TGFA: variants seen among roughly 807,000 people sequenced by gnomAD.
The protein encoded by TGFA is transforming growth factor alpha.
Under a neutral mutation model 21.7 loss-of-function variants are expected in TGFA, and 12 were observed. That is an observed-to-expected ratio of 0.55 (90% CI 0.35 to 0.90). TGFA has a LOEUF of 0.90. TGFA is among the 40% of genes least tolerant of loss of function. The probability of loss-of-function intolerance (pLI) is 0.01; values close to 1 mark genes in which losing one functional copy is unlikely to be tolerated. For synonymous variants in TGFA, 79 were observed against 88.1 expected, an observed-to-expected ratio of 0.90 and a Z score of 0.58; for missense variants, 178 against 210.8, an observed-to-expected ratio of 0.84 and a Z score of 0.96.
chr2:70,505,420 A>G (rs546237606), intron 2 of TGFA, among the ~76,000 whole-genome samples: 54 of 152,304 alleles, frequency 3.5e-4, no homozygotes, highest in African/African-American at 1.3e-3. Flanking sequence ...ACAGGATATC[A>G]GATATAGAGG....
At chr2:70,452,250 T>G (rs1553489754) in intron 5 of TGFA, among the ~76,000 whole-genome samples, 1 of 152,160 alleles carries the variant, frequency 6.6e-6, no homozygotes, top group African/African-American at 2.4e-5. Flanking sequence ...ATGGGCTCTC[T>G]TGGTCAAAAT....
chr2:70,466,324 C>T (rs557059800), intron 2 of TGFA, among the ~76,000 whole-genome samples: 10 of 152,106 alleles, frequency 6.6e-5, no homozygotes, highest in African/African-American at 1.9e-4. Flanking sequence ...CTGGCTAACA[C>T]GGTGACACCC....
intron 2 of TGFA, among the ~76,000 whole-genome samples, chr2:70,508,743 A>C (rs964880894): frequency 6.6e-6 from 1 of 152,186 alleles, no homozygotes; most frequent in Non-Finnish European, 1.5e-5. Flanking sequence ...GTTGATTATG[A>C]CCCGTAAAGT....
At chr2:70,542,098 G>T (rs965184442) in intron 1 of TGFA, among the ~76,000 whole-genome samples, 2 of 152,240 alleles carry the variant, frequency 1.3e-5, no homozygotes, top group South Asian at 4.1e-4. Flanking sequence ...ATTCCTCAGG[G>T]CTGCTGCCAT....
chr2:70,451,341 G>A (rs1294325440), intron 5 of TGFA, among the ~76,000 whole-genome samples: 1 of 152,228 alleles, frequency 6.6e-6, no homozygotes, highest in South Asian at 2.1e-4. Flanking sequence ...AGCATGGACC[G>A]TCCTCAGTTC....
intron 2 of TGFA, among the ~76,000 whole-genome samples, chr2:70,499,915 G>A (rs1166756201): frequency 5.3e-5 from 8 of 152,112 alleles, no homozygotes; most frequent in South Asian, 2.1e-4. Flanking sequence ...AACATAAGCC[G>A]CATAAGTAAT....
At chr2:70,553,576 C>T (rs568566370) in intron 1 of TGFA, 152 bp downstream of exon 1, 3 of 1,311,162 alleles carry the variant, frequency 2.3e-6, no homozygotes, top group South Asian at 2.4e-5. Flanking sequence ...TTAATGACTC[C>T]CCTTGCCTCC....
intron 1 of TGFA, among the ~76,000 whole-genome samples, chr2:70,542,417 CTCAT>C (rs1339222321): frequency 6.6e-6 from 1 of 152,054 alleles, no homozygotes; most frequent in Non-Finnish European, 1.5e-5. Context: ...GTTTACTGAC[CTCAT>C]TCAAACTCAG....
At chr2:70,486,111 T>C (rs541500052) in intron 2 of TGFA, among the ~76,000 whole-genome samples, 1 of 152,352 alleles carries the variant, frequency 6.6e-6, no homozygotes, top group Admixed American at 6.5e-5. Flanking sequence ...TACTGCCCAC[T>C]GGAGTGGACT....
chr2:70,492,615 T>C (rs1196136169), intron 2 of TGFA, among the ~76,000 whole-genome samples: 1 of 152,240 alleles, frequency 6.6e-6, no homozygotes, highest in Non-Finnish European at 1.5e-5. Flanking sequence ...GGCTTCTGTT[T>C]TCTTCTCTCA....
In TGFA at chr2:70,447,526, C is replaced by T. The variant is rs1222145629; in HGVS notation, c.*3333G>A. On this transcript the variant is annotated 3_prime_UTR_variant, in exon 6 of 6. Coordinates refer to ENST00000295400, the MANE Select transcript of TGFA (RefSeq NM_003236.4). ...ACCTTTTCAGTGCAACATATACAGA[C>T]ATCAGAGTAAGGAGTTCTAAAAAAA... 1 of 152,352 alleles carries T rather than the reference C, an allele frequency of 6.6e-6. No individual in the cohort carries two copies. The highest frequency in any genetic ancestry group is 1.5e-5 in the Non-Finnish European group (1 of 68,020). The allele number at this position is 152,352 out of a possible 1,614,324, so 9.4% of individuals were successfully genotyped here.
Position 70,521,613 on chromosome 2 carries a change from G to GTT in TGFA, c.41-6703_41-6702dup, listed in dbSNP as rs59567780. On this transcript the variant is annotated intron_variant, in intron 1 of 5. Coordinates refer to ENST00000295400, the MANE Select transcript of TGFA (RefSeq NM_003236.4). ...TTGATAGTTTTTTTTGTTGTTGTTTGTTTGTTTTTTTTTTTTTTTTTTTTT... is the reference window on the plus strand; with the variant it reads ...TTGATAGTTTTTTTTGTTGTTGTTTGTTTTTGTTTTTTTTTTTTTTTTTTTTT... Among the ~76,000 whole-genome samples, 53 of 74,034 alleles carry GTT rather than the reference G, an allele frequency of 7.2e-4. 1 individual carries two copies. Among genetic ancestry groups the GTT allele is most frequent in the Non-Finnish European group, 9.3e-4 (33 of 35,348 alleles). 48.6% of individuals were successfully genotyped at this position (74,034 alleles called of 152,430 possible). A position where few individuals can be genotyped will look rare whatever the true frequency, so the allele number is the denominator to read the frequency against.
chr2:70,521,608 TGTTTG>T (rs1672462865), intron 1 of TGFA, among the ~76,000 whole-genome samples: 1 of 101,168 alleles, frequency 9.9e-6, no homozygotes, highest in Non-Finnish European at 2.0e-5. Context: ...TTTTTGTTGT[TGTTTG>T]TTTGTTTTTT....
At chr2:70,537,822 ATC>A (rs1673018502) in intron 1 of TGFA, among the ~76,000 whole-genome samples, 1 of 152,256 alleles carries the variant, frequency 6.6e-6, no homozygotes, top group African/African-American at 2.4e-5. Flanking sequence ...TATCCAGAAG[ATC>A]TAGCTAAGAC....
At chr2:70,473,599 G>A (rs781925166) in intron 2 of TGFA, among the ~76,000 whole-genome samples, 45 of 152,062 alleles carry the variant, frequency 3.0e-4, no homozygotes, top group Non-Finnish European at 4.7e-4. Flanking sequence ...GTTACGGAAA[G>A]GGAATCCCTG....
intron 2 of TGFA, among the ~76,000 whole-genome samples, chr2:70,486,302 C>G (rs1559114377): frequency 1.3e-5 from 2 of 152,174 alleles, no homozygotes; most frequent in African/African-American, 4.8e-5. Context: ...GGATATTTTG[C>G]CTCCTTCCAT....
chr2:70,488,922 T>C (rs1198739515), intron 2 of TGFA, among the ~76,000 whole-genome samples: 1 of 152,212 alleles, frequency 6.6e-6, no homozygotes, highest in African/African-American at 2.4e-5. Flanking sequence ...CACCGTCAGC[T>C]TACTTTTAAC....
At chr2:70,521,733 G>A (rs868986429) in intron 1 of TGFA, among the ~76,000 whole-genome samples, 5 of 143,372 alleles carry the variant, frequency 3.5e-5, no homozygotes, top group South Asian at 2.3e-4. Context: ...TTCTGCCTCC[G>A]CCTCCCGAGT....
intron 2 of TGFA, among the ~76,000 whole-genome samples, chr2:70,509,321 C>T (rs996235089): frequency 2.6e-5 from 4 of 152,214 alleles, no homozygotes; most frequent in Non-Finnish European, 5.9e-5. Context: ...TGCTTGCTGG[C>T]TGACACACGT....
Sources: allele counts gnomAD v4.1 joint callset (sites outside exome capture counted in the v4.1 genomes callset), GRCh38; gene constraint gnomAD v4.1.1; transcripts MANE v1.5; gene names NCBI Gene and HGNC (gene_info 2026-07-23, HGNC 2026-07-21).